Variants in PTPRM observed in about 807,000 individuals in gnomAD.
PTPRM encodes the protein protein tyrosine phosphatase receptor type M.
A neutral mutation model predicts 186.7 loss-of-function variants in PTPRM; 47 were observed. The ratio of observed to expected loss-of-function variants is 0.25; its 90% CI spans 0.20 to 0.32. The LOEUF (loss-of-function observed/expected upper bound fraction) is 0.32, where lower values mean the gene tolerates loss of function less well. PTPRM is among the 10% of genes least tolerant of loss of function. PTPRM has a pLI of 1.00. For missense variants in PTPRM, 1,494 were observed against 1,865.0 expected (o/e 0.80, Z 3.66); for synonymous variants, 668 against 674.9 (o/e 0.99, Z 0.16).
chr18:8,191,323 G>A (rs917607357), intron 14 of PTPRM, among the ~76,000 whole-genome samples: 1 of 150,930 alleles, frequency 6.6e-6, no homozygotes, highest in East Asian at 1.9e-4. Flanking sequence ...GGGGCCTAGG[G>A]AGCACATACT....
At chr18:8,092,956 T>C (rs572205357) in intron 11 of PTPRM, among the ~76,000 whole-genome samples, 1 of 152,264 alleles carries the variant, frequency 6.6e-6, no homozygotes, top group African/African-American at 2.4e-5. Context: ...AAGATCAGCC[T>C]GGACAACATA....
chr18:8,113,020 A>G (rs2091824239), intron 11 of PTPRM, among the ~76,000 whole-genome samples: 1 of 152,192 alleles, frequency 6.6e-6, no homozygotes, highest in African/African-American at 2.4e-5. Flanking sequence ...ATCACTACAC[A>G]TTGTGTTTTG....
intron 19 of PTPRM, among the ~76,000 whole-genome samples, chr18:8,275,197 G>C (rs2094819581): frequency 6.6e-6 from 1 of 152,136 alleles, no homozygotes; most frequent in Non-Finnish European, 1.5e-5. Flanking sequence ...TTAGCACTTT[G>C]GGAGGCCAAG....
intron 31 of PTPRM, among the ~76,000 whole-genome samples, chr18:8,391,711 C>T (rs530797958): frequency 5.9e-5 from 9 of 152,262 alleles, no homozygotes; most frequent in East Asian, 1.9e-4. Context: ...TGTCTACTTA[C>T]GGTCTTTATT....
At chr18:8,338,912 G>A (rs2095456606) in intron 22 of PTPRM, among the ~76,000 whole-genome samples, 1 of 152,188 alleles carries the variant, frequency 6.6e-6, no homozygotes, top group Admixed American at 6.5e-5. Context: ...GTGAAAAGCA[G>A]GGGTACAAGT....
At chr18:7,805,912 A>C (rs746355459) in intron 2 of PTPRM, among the ~76,000 whole-genome samples, 9 of 152,222 alleles carry the variant, frequency 5.9e-5, no homozygotes, top group Non-Finnish European at 1.3e-4. Flanking sequence ...TATTTTAAGA[A>C]TACGTACTCA....
At chr18:8,046,828 C>T (rs998470125) in intron 7 of PTPRM, among the ~76,000 whole-genome samples, 6 of 152,032 alleles carry the variant, frequency 3.9e-5, no homozygotes, top group African/African-American at 1.5e-4. Flanking sequence ...ATATGGCTGT[C>T]CTCCAGACCC....
chr18:7,713,939 A>G (rs2040266857), intron 1 of PTPRM, among the ~76,000 whole-genome samples: 1 of 152,024 alleles, frequency 6.6e-6, no homozygotes, highest in Non-Finnish European at 1.5e-5. Context: ...AGACTTTAAC[A>G]CCCCACTGTC....
intron 13 of PTPRM, among the ~76,000 whole-genome samples, chr18:8,138,804 T>C (rs1210858895): frequency 6.6e-6 from 1 of 152,140 alleles, no homozygotes; most frequent in African/African-American, 2.4e-5. Context: ...TATGGTATCA[T>C]TAGCATTCGC....
chr18:8,219,323 C>T (rs943262254), intron 14 of PTPRM, among the ~76,000 whole-genome samples: 3 of 151,996 alleles, frequency 2.0e-5, no homozygotes, highest in South Asian at 2.1e-4. Flanking sequence ...AAAAATTAGC[C>T]GGGCGTGGTG....
intron 7 of PTPRM, among the ~76,000 whole-genome samples, chr18:7,996,362 A>G (rs568672036): frequency 1.6e-4 from 24 of 152,244 alleles, no homozygotes; most frequent in African/African-American, 5.5e-4. Flanking sequence ...ATATCTCCTC[A>G]TGATAAAGTC....
intron 1 of PTPRM, among the ~76,000 whole-genome samples, chr18:7,638,640 T>C (rs1271748921): frequency 2.6e-5 from 4 of 152,194 alleles, no homozygotes; most frequent in Non-Finnish European, 4.4e-5. Flanking sequence ...TACATCACAA[T>C]ATTAAGTTCT....
chr18:8,197,909 C>T (rs1377837888), intron 14 of PTPRM, among the ~76,000 whole-genome samples: 2 of 152,178 alleles, frequency 1.3e-5, no homozygotes, highest in Admixed American at 6.5e-5. Context: ...AGGACTTCAC[C>T]AGTCATTAGA....
chr18:7,780,968 C>T (rs546782931), intron 2 of PTPRM, among the ~76,000 whole-genome samples: 52 of 152,206 alleles, frequency 3.4e-4, no homozygotes, highest in Non-Finnish European at 4.9e-4. Context: ...CATGGGAAGA[C>T]GTTTAAAACC....
At chr18:8,375,776 A>T (rs1401581095) in intron 24 of PTPRM, among the ~76,000 whole-genome samples, 1 of 152,108 alleles carries the variant, frequency 6.6e-6, no homozygotes, top group Non-Finnish European at 1.5e-5. Flanking sequence ...AAACAACCCA[A>T]CCAATTCATC....
chr18:8,214,110 G>A (rs111250026), intron 14 of PTPRM, among the ~76,000 whole-genome samples: 9 of 152,086 alleles, frequency 5.9e-5, no homozygotes, highest in South Asian at 4.2e-4. Context: ...AGACTCGGAG[G>A]GGGGCAGGTA....
intron 1 of PTPRM, among the ~76,000 whole-genome samples, chr18:7,719,791 A>G (rs559013465): frequency 6.6e-6 from 1 of 152,254 alleles, no homozygotes; most frequent in Non-Finnish European, 1.5e-5. Flanking sequence ...AGAATTACAC[A>G]TAAGAAGGTG....
intron 14 of PTPRM, among the ~76,000 whole-genome samples, chr18:8,201,042 A>G (rs1461046195): frequency 6.6e-6 from 1 of 152,228 alleles, no homozygotes; most frequent in African/African-American, 2.4e-5. Context: ...AAGGCCAGGC[A>G]CGATGGCTCC....
At chr18:8,080,011 A>G (rs1037458282) in intron 9 of PTPRM, among the ~76,000 whole-genome samples, 2 of 152,218 alleles carry the variant, frequency 1.3e-5, no homozygotes, top group African/African-American at 2.4e-5. Flanking sequence ...ATGTAAGTAT[A>G]TGGTAAAGTA....
Sources: allele counts gnomAD v4.1 joint callset (sites outside exome capture counted in the v4.1 genomes callset), GRCh38; gene constraint gnomAD v4.1.1; transcripts MANE v1.5; gene names NCBI Gene and HGNC (gene_info 2026-07-23, HGNC 2026-07-21).